The following DRAM1 variants were observed in gnomAD, a reference collection of about 807,000 sequenced individuals.
DRAM1 encodes the protein DNA damage-regulated autophagy modulator protein 1.
In DRAM1, 25 loss-of-function variants were observed where a neutral mutation model predicts 28.5. The ratio of observed to expected loss-of-function variants is 0.88; its 90% CI spans 0.64 to 1.23. The LOEUF is 1.23. DRAM1 is among the 50% of genes most tolerant of loss of function. The probability of loss-of-function intolerance (pLI) is 0.00; values close to 1 mark genes in which losing one functional copy is unlikely to be tolerated. For synonymous variants in DRAM1, 113 were observed against 114.2 expected (o/e 0.99, Z 0.07); for missense variants, 249 against 299.2 (o/e 0.83, Z 1.24).
At chr12:101,881,638 G>C (rs1872690875) in intron 1 of DRAM1, among the ~76,000 whole-genome samples, 2 of 152,104 alleles carry the variant, frequency 1.3e-5, no homozygotes, top group South Asian at 4.2e-4. Context: ...CCTCTGCCAG[G>C]TGTTCTCCCT....
chr12:101,881,245 A>G (rs2256791), intron 1 of DRAM1, among the ~76,000 whole-genome samples: 3 of 152,126 alleles, frequency 2.0e-5, no homozygotes, highest in Non-Finnish European at 4.4e-5. Context: ...GTGCCACTGC[A>G]CTCCAGTCTG....
At chr12:101,897,726 A>G (rs1873439216) in intron 1 of DRAM1, 137 bp from the exon 2 acceptor site, 1 of 658,630 alleles carries the variant, frequency 1.5e-6, no homozygotes, top group Admixed American at 2.9e-5. Flanking sequence ...TTAGAACAAA[A>G]TCAGGCCAAA....
intron 4 of DRAM1, among the ~76,000 whole-genome samples, chr12:101,909,984 G>A (rs1594308879): frequency 2.6e-5 from 4 of 152,106 alleles, no homozygotes; most frequent in Non-Finnish European, 4.4e-5. Flanking sequence ...GTTGAGTTAC[G>A]GTATAAAGTG....
Position 101,877,703 on chromosome 12 carries a change from G to A in DRAM1, c.-87G>A, listed in dbSNP as rs530301841. 6.1e-4 allele frequency: 674 copies of A among 1,108,494 alleles called. 20 individuals are homozygous for A. The South Asian group carries it at 0.022, about 35-fold the overall frequency. The allele number at this position is 1,108,494 out of a possible 1,614,324, so 68.7% of individuals were successfully genotyped here. ...CCTCCCACCGTCCGTGAGTGTACGC[G>A]CCCGGCCGCCGCCTCCAGGCAGCCC... is the stretch of plus-strand genomic sequence containing the variant. On this transcript the variant is annotated 5_prime_UTR_variant, in exon 1 of 7. Coordinates refer to ENST00000258534, the MANE Select transcript of DRAM1 (RefSeq NM_018370.3). This position sits in a 1 kb window ranked among gnomAD's most constrained non-coding sequence, Gnocchi z 4.1.
intron 1 of DRAM1, among the ~76,000 whole-genome samples, chr12:101,889,732 G>A (rs541308934): frequency 6.6e-6 from 1 of 152,064 alleles, no homozygotes; most frequent in Non-Finnish European, 1.5e-5. Flanking sequence ...TTGAGGTCAG[G>A]AGTTTGAGAC....
chr12:101,885,406 A>G (rs1336744284), intron 1 of DRAM1, among the ~76,000 whole-genome samples: 1 of 152,152 alleles, frequency 6.6e-6, no homozygotes, highest in Non-Finnish European at 1.5e-5. Flanking sequence ...CCCCAGAAGC[A>G]GGTTGTCTGT....
intron 4 of DRAM1, among the ~76,000 whole-genome samples, chr12:101,909,135 C>A (rs1873939764): frequency 6.6e-6 from 1 of 152,080 alleles, no homozygotes; most frequent in African/African-American, 2.4e-5. Context: ...GTGGCACATG[C>A]CTGTAATCCC....
Position 101,893,633 on chromosome 12 carries a change from A to G in DRAM1, c.132-4230A>G, listed in dbSNP as rs116083384. 3.9e-3 allele frequency among the ~76,000 whole-genome samples: 601 copies of G among 152,248 alleles called. 4 individuals are homozygous for G. The highest frequency in any genetic ancestry group is 0.014 in the African/African-American group (571 of 41,530). On this transcript the variant is annotated intron_variant, in intron 1 of 6. Transcript: ENST00000258534. ...AGTTATATAGCCTCTCTAATACCCA[A>G]TTTCCTACTTTGTAAAATGGGGTTG...
chr12:101,908,096 A>G (rs61936572), intron 3 of DRAM1, 90 bp from the exon 4 acceptor site: 119,518 of 1,128,292 alleles, frequency 0.11, 6,987 homozygotes, highest in Middle Eastern at 0.17. Flanking sequence ...GTGATGACCA[A>G]TGGCTCAAAG....
chr12:101,900,445 T>G (rs1873555605), intron 2 of DRAM1, among the ~76,000 whole-genome samples: 1 of 152,172 alleles, frequency 6.6e-6, no homozygotes, highest in African/African-American at 2.4e-5. Flanking sequence ...TTATAGCAGA[T>G]AATAGACTAA....
chr12:101,897,755 G>A, intron 1 of DRAM1, 108 bp from the exon 2 acceptor site: 1 of 759,676 alleles, frequency 1.3e-6, no homozygotes, highest in Non-Finnish European at 2.2e-6. Flanking sequence ...ATTCAAAGTG[G>A]CTGAACACCT....
At chr12:101,918,685 C>T (rs533222598) in intron 5 of DRAM1, among the ~76,000 whole-genome samples, 2 of 152,312 alleles carry the variant, frequency 1.3e-5, no homozygotes, top group South Asian at 4.1e-4. Context: ...GGTAGAAGAG[C>T]AGTGGGCTCA....
chr12:101,880,442 A>T (rs1872654626), intron 1 of DRAM1, among the ~76,000 whole-genome samples: 1 of 151,428 alleles, frequency 6.6e-6, no homozygotes, highest in Non-Finnish European at 1.5e-5. Flanking sequence ...ACCTGCCACC[A>T]CGCCCAGCTA....
At chr12:101,891,713 C>T (rs61935816) in intron 1 of DRAM1, among the ~76,000 whole-genome samples, 16,698 of 152,268 alleles carry the variant, frequency 0.11, 977 homozygotes, top group Middle Eastern at 0.18. Context: ...AATTTGCTGG[C>T]CTTGTCCTCT....
At chr12:101,914,760 T>C (rs970692902) in intron 5 of DRAM1, among the ~76,000 whole-genome samples, 4 of 151,306 alleles carry the variant, frequency 2.6e-5, no homozygotes, top group African/African-American at 7.3e-5. Context: ...TGGGTTCAAG[T>C]GATTCTTGTG....
chr12:101,900,508 G>A (rs947802647), intron 2 of DRAM1, among the ~76,000 whole-genome samples: 1 of 152,124 alleles, frequency 6.6e-6, no homozygotes, highest in African/African-American at 2.4e-5. Context: ...AAGCCCAAGA[G>A]AAGAATAAAA....
chr12:101,888,622 C>G (rs1348925061), intron 1 of DRAM1, among the ~76,000 whole-genome samples: 1 of 151,976 alleles, frequency 6.6e-6, no homozygotes, highest in Non-Finnish European at 1.5e-5. Flanking sequence ...AATTTCTCCT[C>G]TGATTTGAAT....
At chr12:101,898,817 AT>A (rs1873486301) in intron 2 of DRAM1, among the ~76,000 whole-genome samples, 1 of 152,124 alleles carries the variant, frequency 6.6e-6, no homozygotes, top group South Asian at 2.1e-4. Context: ...GAATAGTATG[AT>A]TTTTCTTTTC....
intron 1 of DRAM1, among the ~76,000 whole-genome samples, chr12:101,883,991 T>C (rs1872785856): frequency 6.7e-6 from 1 of 149,206 alleles, no homozygotes; most frequent in Non-Finnish European, 1.5e-5. Context: ...CACCGTGAGA[T>C]ATAACAAGTT....
Sources: gnomAD v4.1 joint callset for allele counts (sites outside exome capture counted in the v4.1 genomes callset) on GRCh38, gnomAD v4.1.1 for gene constraint, Gnocchi (gnomAD v3.1) non-coding constraint, MANE v1.5 for transcripts, NCBI Gene and HGNC (gene_info 2026-07-23, HGNC 2026-07-21) for gene names.